LILRB1: variants seen among roughly 807,000 people sequenced by gnomAD.
The protein encoded by LILRB1 is leukocyte immunoglobulin-like receptor subfamily B member 1.
LILRB1 carries 59 observed loss-of-function variants against 74.6 expected under a neutral mutation model. That is an observed-to-expected ratio of 0.79 (90% confidence interval 0.64 to 0.98). LILRB1 has a LOEUF of 0.98. Ranked by LOEUF, LILRB1 falls within the 50% of genes least tolerant of loss-of-function variation. The pLI is 0.00. For synonymous variants in LILRB1, 328 were observed against 333.9 expected (o/e 0.98, Z 0.19); for missense variants, 804 against 822.6 (o/e 0.98, Z 0.28).
chr19:54,628,632 G>A (rs2063662624), upstream of LILRB1, among the ~76,000 whole-genome samples: 3 of 152,126 alleles, frequency 2.0e-5, no homozygotes, highest in Non-Finnish European at 4.4e-5. Flanking sequence ...GGGGGAAGGG[G>A]CGCAGGGCTT....
upstream of LILRB1, among the ~76,000 whole-genome samples, chr19:54,626,551 A>C: frequency 6.6e-6 from 1 of 152,238 alleles, no homozygotes; most frequent in African/African-American, 2.4e-5. Context: ...TGACTAATGA[A>C]AAATTTAATA....
At chr19:54,628,018 A>G (rs1275391545), upstream of LILRB1, among the ~76,000 whole-genome samples, 1 of 152,218 alleles carries the variant, frequency 6.6e-6, no homozygotes, top group Admixed American at 6.5e-5. Flanking sequence ...AGACAGGGTC[A>G]TTTATAACCT....
chr19:54,620,430 C>T (rs1043351099), intron 1 of LILRB1, among the ~76,000 whole-genome samples: 4 of 152,010 alleles, frequency 2.6e-5, no homozygotes, highest in African/African-American at 9.7e-5. Context: ...GTGATTTCGG[C>T]TCACTGCAAG....
In LILRB1 at chr19:54,634,740, G is replaced by A. The variant is rs564223169; in HGVS notation, c.1463G>A (p.Arg488His). Reference sequence around the variant, plus strand: ...CTCTTCCTCATCCTCCGACATCGACGTCAGGGCAAACACTGGACATCGAGT... The same window carrying A: ...CTCTTCCTCATCCTCCGACATCGACATCAGGGCAAACACTGGACATCGAGT... ...LLLFLILRHR[R>H]QGKHWTSTQR... Residue 488 changes from arginine to histidine, a missense_variant, in exon 10 of 15, where the codon CGT (arginine) becomes CAT (histidine). By Grantham distance (29) the Arg-to-His change is conservative (BLOSUM62 0). Transcript: ENST00000324602. The A allele has an allele frequency of 7.4e-6, 12 of 1,613,946 alleles. No individual in the cohort carries two copies. The highest frequency in any genetic ancestry group is 6.7e-5 in the East Asian group (3 of 44,876).
intron 1 of LILRB1, among the ~76,000 whole-genome samples, chr19:54,621,630 T>G (rs1035599267): frequency 6.6e-6 from 1 of 152,178 alleles, no homozygotes; most frequent in African/African-American, 2.4e-5. Context: ...TTTCTTCCAT[T>G]GTGTAGGTTG....
At chr19:54,625,207 C>G (rs924795497) in intron 1 of LILRB1, among the ~76,000 whole-genome samples, 1 of 145,444 alleles carries the variant, frequency 6.9e-6, no homozygotes, top group Non-Finnish European at 1.5e-5. Flanking sequence ...GGGGGCAGGA[C>G]GGGTGACTGG....
At position 54,632,240 on chromosome 19, in the gene LILRB1, G is replaced by A. The variant is rs1568587791; in HGVS notation, c.661+3G>A. On this transcript the variant is annotated splice_donor_region_variant and intron_variant, in intron 5 of 14. Coordinates refer to ENST00000324602, the MANE Select transcript of LILRB1 (RefSeq NM_001081637.3). ...TCTCCTGGAGCTCCTGGTCCTAGGT[G>A]AGAAATTCACAGCATTGCCTGGAGT... 3.7e-6 allele frequency: 6 copies of A among 1,610,680 alleles called. No individual in the cohort carries two copies. The highest frequency in any genetic ancestry group is 5.1e-6 in the Non-Finnish European group (6 of 1,177,468).
chr19:54,630,684 AC>A, intron 1 of LILRB1, 51 bp downstream of exon 1: 1 of 803,746 alleles, frequency 1.2e-6, no homozygotes. Flanking sequence ...AGGGAGGGTG[AC>A]CATGTGGGAG....
upstream of LILRB1, among the ~76,000 whole-genome samples, chr19:54,627,166 T>C (rs989131761): frequency 6.6e-6 from 1 of 152,224 alleles, no homozygotes; most frequent in African/African-American, 2.4e-5. Context: ...TGCTTTCACC[T>C]GCAGGCTGGA....
Position 54,632,122 on chromosome 19 carries a change from C to T in LILRB1, c.546C>T (p.Phe182=). 1.2e-6 allele frequency: 2 copies of T among 1,614,240 alleles called. No individual in the cohort carries two copies. The highest frequency in any genetic ancestry group is 1.7e-6 in the Non-Finnish European group (2 of 1,180,022). The change falls in exon 5 of 15, where the codon TTC becomes TTT. Residue 182 remains phenylalanine, a synonymous_variant. Transcript: ENST00000324602. ...PHARGSSRAI[F]SVGPVSPSRR... is the part of the protein sequence containing the mutation. The stretch of plus-strand genomic sequence containing the variant: ...CCCGTGGGTCGTCCCGCGCCATCTT[C>T]TCCGTGGGCCCCGTGAGCCCGAGTC...
chr19:54,636,137 T>C (rs2064392787), intron 13 of LILRB1: 1 of 571,582 alleles, frequency 1.7e-6, no homozygotes, highest in African/African-American at 1.8e-5. Flanking sequence ...CCAGTCTGAA[T>C]GGAAGGGGAG....
chr19:54,634,753 C>G lies in LILRB1; in HGVS notation c.1476C>G (p.His492Gln). 6.2e-7 allele frequency: 1 copy of G among 1,613,890 alleles called. No homozygotes were observed. Among genetic ancestry groups the G allele is most frequent in the Non-Finnish European group, 8.5e-7 (1 of 1,179,868 alleles). The part of the protein sequence containing the change: ...LILRHRRQGK[H>Q]WTSTQRKADF... ...TCCGACATCGACGTCAGGGCAAACA[C>G]TGGACATCGAGTGAGTAGGGAATGG... The change falls in exon 10 of 15, where the codon CAC (histidine) becomes CAG (glutamine). Residue 492 changes from histidine to glutamine, a missense_variant. Coordinates refer to ENST00000324602, the MANE Select transcript of LILRB1 (RefSeq NM_001081637.3).
chr19:54,637,151 C>A lies in LILRB1; in HGVS notation c.*273C>A, dbSNP rs986627159. 4 of 418,812 alleles carry A rather than the reference C, an allele frequency of 9.6e-6. No individual in the cohort carries two copies. The highest frequency in any genetic ancestry group is 2.0e-5 in the African/African-American group (1 of 50,118). The allele number at this position is 418,812 out of a possible 1,614,324, so 25.9% of individuals were successfully genotyped here. ...CACAATGTAAATATTACACATCAAG[C>A]GATGAAACTGGAAAACTACAAGCCA... On this transcript the variant is annotated 3_prime_UTR_variant, in exon 15 of 15. Transcript: ENST00000324602.
rs781175026 is a variant in LILRB1 at position 54,631,249 on chromosome 19, C to G, written c.35-22C>G. The G allele has an allele frequency of 2.5e-6, 4 of 1,611,600 alleles. No individual in the cohort carries two copies. In the South Asian group the frequency reaches 3.3e-5, roughly 13 times the overall value. ...TGCCCAGGCTTCAGGGGGCAAATCC[C>G]TCACCGGGAACTCTCTTCCAGGGCT... On this transcript the variant is annotated intron_variant, in intron 2 of 14. Coordinates refer to ENST00000324602, the MANE Select transcript of LILRB1 (RefSeq NM_001081637.3).
At chr19:54,619,953 CG>C (rs536913865) in intron 1 of LILRB1, among the ~76,000 whole-genome samples, 23 of 30,792 alleles carry the variant, frequency 7.5e-4, no homozygotes, top group African/African-American at 2.0e-3. Flanking sequence ...TGTTAAACCT[CG>C]TTTTTTTTTT....
chr19:54,624,004 C>G (rs142212920), intron 1 of LILRB1, among the ~76,000 whole-genome samples: 103 of 152,252 alleles, frequency 6.8e-4, no homozygotes, highest in African/African-American at 2.3e-3. Context: ...TAAGAGCCAC[C>G]CTCGGCACAA....
intron 1 of LILRB1, among the ~76,000 whole-genome samples, chr19:54,622,079 T>A (rs1489215004): frequency 4.6e-5 from 7 of 152,232 alleles, no homozygotes; most frequent in Admixed American, 4.6e-4. Context: ...GCTGTCTTAG[T>A]TACTATGGCC....
In LILRB1 at chr19:54,631,144, G is replaced by A. The variant is rs181506480; in HGVS notation, c.34+37G>A. On this transcript the variant is annotated intron_variant, in intron 2 of 14. Coordinates refer to ENST00000324602, the MANE Select transcript of LILRB1 (RefSeq NM_001081637.3). The stretch of plus-strand genomic sequence containing the variant: ...AGAAGGAGGGGAGCTTCTAACCTAA[G>A]AGGGACCTCACCCCACAGCCAAACT... The A allele has an allele frequency of 3.1e-5, 50 of 1,613,816 alleles. 1 individual carries two copies. The African/African-American group carries it at 4.7e-4, about 15-fold the overall frequency.
rs775561177 is a variant in LILRB1, at chr19:54,636,882, AG to A, written c.*11del. 132 of 1,603,452 alleles carry A rather than the reference AG, an allele frequency of 8.2e-5. 1 individual carries two copies. The highest frequency in any genetic ancestry group is 3.4e-4 in the Middle Eastern group (2 of 5,954). On this transcript the variant is annotated 3_prime_UTR_variant, in exon 15 of 15. Transcript: ENST00000324602. ...CGCCACTCTGGCCATCCACTAGCCC[AG>A]GGGGGGACGCAGACCCCACACTCCA...
Sources: gnomAD v4.1 joint callset for allele counts (sites outside exome capture counted in the v4.1 genomes callset) on GRCh38, gnomAD v4.1.1 for gene constraint, MANE v1.5 for transcripts, NCBI Gene and HGNC (gene_info 2026-07-23, HGNC 2026-07-21) for gene names.